Variants in MAN2B2 observed in about 807,000 individuals in gnomAD.
MAN2B2 encodes the protein epididymis-specific alpha-mannosidase.
MAN2B2 carries 106 observed loss-of-function variants against 117.1 expected under a neutral mutation model. The ratio of observed to expected loss-of-function variants is 0.90; its 90% CI spans 0.77 to 1.06. The LOEUF (loss-of-function observed/expected upper bound fraction) is 1.06, where lower values mean the gene tolerates loss of function less well. Among genes scored for constraint, MAN2B2 ranks in the 50% least tolerant of loss-of-function variants. MAN2B2 has a pLI of 0.00. For missense variants in MAN2B2, 1,326 were observed against 1,381.4 expected (o/e 0.96, Z 0.64); for synonymous variants, 544 against 595.1 (o/e 0.91, Z 1.25).
intron 5 of MAN2B2, among the ~76,000 whole-genome samples, chr4:6,590,200 C>T (rs11728168): frequency 0.87 from 132,699 of 151,970 alleles, 58,546 homozygotes; most frequent in Middle Eastern, 0.98. Context: ...GGCAAAACCC[C>T]GTCTCTACTG....
chr4:6,580,029 C>T (rs1034450705), intron 3 of MAN2B2, among the ~76,000 whole-genome samples: 1 of 152,260 alleles, frequency 6.6e-6, no homozygotes, highest in Admixed American at 6.5e-5. Flanking sequence ...TCCACTACAG[C>T]ATGGGCCCTG....
intron 18 of MAN2B2, 98 bp from the exon 19 acceptor site, chr4:6,621,089 TG>T: frequency 1.2e-6 from 1 of 819,928 alleles, no homozygotes; most frequent in Middle Eastern, 2.4e-4. Flanking sequence ...AGAGGGAGGC[TG>T]GGAGCCACAG....
intron 8 of MAN2B2, 21 bp from the exon 9 acceptor site, chr4:6,598,177 C>A (rs1387282299): frequency 1.2e-5 from 20 of 1,607,968 alleles, no homozygotes; most frequent in Non-Finnish European, 1.7e-5. Context: ...TGTTCTTCCT[C>A]CCCTCTGGGG....
chr4:6,617,668 C>T, intron 17 of MAN2B2, 176 bp downstream of exon 17: 1 of 1,318,062 alleles, frequency 7.6e-7, no homozygotes, highest in Non-Finnish European at 1.0e-6. Flanking sequence ...TTACAACTGG[C>T]CTGGTTTTTT....
At chr4:6,602,764 A>G (rs1727381070) in intron 10 of MAN2B2, among the ~76,000 whole-genome samples, 1 of 151,766 alleles carries the variant, frequency 6.6e-6, no homozygotes, top group Non-Finnish European at 1.5e-5. Context: ...CAACATCCCA[A>G]GCTCAAGTTG....
chr4:6,597,149 G>A lies in MAN2B2; in HGVS notation c.1094G>A (p.Arg365His), dbSNP rs372535950. 6.9e-5 allele frequency: 111 copies of A among 1,613,120 alleles called. 1 individual carries two copies. Among genetic ancestry groups the A allele is most frequent in the South Asian group, 6.3e-4 (57 of 91,048 alleles). The change falls in exon 8 of 19, where the codon CGC becomes CAC. Residue 365 changes from arginine (R) to histidine (H), a missense_variant. By Grantham distance (29) the Arg-to-His change is conservative. Coordinates refer to ENST00000285599, the MANE Select transcript of MAN2B2 (RefSeq NM_015274.3). ...GCCTGGACGGGCTTCTACACGTCCCGCAGCTCACTGAAGGGGCTGGCCCGG... is the reference window on the plus strand; with the variant it reads ...GCCTGGACGGGCTTCTACACGTCCCACAGCTCACTGAAGGGGCTGGCCCGG... Reference protein sequence around the residue: ...FQAWTGFYTSRSSLKGLARRA... With the variant: ...FQAWTGFYTSHSSLKGLARRA...
Position 6,621,554 on chromosome 4 carries a change from T to A in MAN2B2, c.*269T>A. 1 of 371,298 alleles carries A rather than the reference T, an allele frequency of 2.7e-6. No individual in the cohort carries two copies. The highest frequency in any genetic ancestry group is 4.3e-5 in the South Asian group (1 of 23,314). The allele number at this position is 371,298 out of a possible 1,614,324, so 23.0% of individuals were successfully genotyped here. A position where few individuals can be genotyped will look rare whatever the true frequency, so the allele number is the denominator to read the frequency against. ...ACGTAAAGGATATTTGGCACACTCATGCGTCATTCATTCACAAAACACAAA... is the reference window on the plus strand; with the variant it reads ...ACGTAAAGGATATTTGGCACACTCAAGCGTCATTCATTCACAAAACACAAA... On this transcript the variant is annotated 3_prime_UTR_variant, in exon 19 of 19. Coordinates refer to ENST00000285599, the MANE Select transcript of MAN2B2 (RefSeq NM_015274.3).
rs1712231082 is a variant in MAN2B2 at position 6,622,779 on chromosome 4, T to G, written c.*1494T>G. The G allele has an allele frequency of 1.3e-5, 2 of 148,634 alleles. No homozygotes were observed. The highest frequency in any genetic ancestry group is 2.6e-5 in the African/African-American group (1 of 38,094). The allele number at this position is 148,634 out of a possible 1,614,324, so 9.2% of individuals were successfully genotyped here. A position where few individuals can be genotyped will look rare whatever the true frequency, so the allele number is the denominator to read the frequency against. On this transcript the variant is annotated 3_prime_UTR_variant, in exon 19 of 19. Transcript: ENST00000285599. ...AAACTGTAAGATGTAGGAAATTATT[T>G]GGTACTCTAGGGCTGAAGGAAAGTA...
At chr4:6,588,390 C>G (rs576134162) in intron 4 of MAN2B2, among the ~76,000 whole-genome samples, 1 of 152,268 alleles carries the variant, frequency 6.6e-6, no homozygotes, top group Non-Finnish European at 1.5e-5. Context: ...TTAGGGCCCA[C>G]CCTAATGACC....
intron 11 of MAN2B2, among the ~76,000 whole-genome samples, chr4:6,608,891 G>A (rs759013730): frequency 5.9e-5 from 9 of 152,142 alleles, no homozygotes; most frequent in African/African-American, 1.7e-4. Context: ...GGCTCTGTCC[G>A]TCTCCTCGTT....
At chr4:6,585,092 T>G (rs1726581255) in intron 3 of MAN2B2, among the ~76,000 whole-genome samples, 1 of 152,038 alleles carries the variant, frequency 6.6e-6, no homozygotes, top group South Asian at 2.1e-4. Context: ...TGCTTACATA[T>G]GCACAGCCTC....
intron 11 of MAN2B2, among the ~76,000 whole-genome samples, chr4:6,606,132 G>C (rs1727536979): frequency 1.3e-5 from 2 of 152,202 alleles, no homozygotes; most frequent in South Asian, 4.1e-4. Context: ...GAAAGTGAGG[G>C]GACAGGAAAG....
At chr4:6,601,713 G>C (rs1337425726) in intron 10 of MAN2B2, among the ~76,000 whole-genome samples, 1 of 152,176 alleles carries the variant, frequency 6.6e-6, no homozygotes, top group African/African-American at 2.4e-5. Context: ...ATGAACTTTA[G>C]AAGACACTCC....
Position 6,620,115 on chromosome 4 carries a change from G to A in MAN2B2, c.2932+71G>A, listed in dbSNP as rs201290510. On this transcript the variant is annotated intron_variant, in intron 18 of 18. Transcript: ENST00000285599. ...GGCTCAGCAGCTGGTCAGACCCGGT[G>A]CACATCCAACCATCTGCCTGTCCCG... The A allele has an allele frequency of 2.8e-4, 369 of 1,323,034 alleles. 4 individuals carry two copies. In the East Asian group the frequency reaches 9.0e-3, roughly 32 times the overall value. The allele number at this position is 1,323,034 out of a possible 1,614,324, so 82.0% of individuals were successfully genotyped here. A position where few individuals can be genotyped will look rare whatever the true frequency, so the allele number is the denominator to read the frequency against.
At chr4:6,576,496 G>C in intron 1 of MAN2B2, 82 bp from the exon 2 acceptor site, 1 of 1,542,596 alleles carries the variant, frequency 6.5e-7, no homozygotes, top group Admixed American at 1.7e-5. Context: ...ACCCCATGCA[G>C]ACACACCTGG....
chr4:6,576,433 G>C, intron 1 of MAN2B2, 145 bp from the exon 2 acceptor site: 2 of 908,478 alleles, frequency 2.2e-6, no homozygotes, highest in African/African-American at 1.7e-5. Flanking sequence ...TGGAGCGAGT[G>C]CCTAATAGCT....
intron 8 of MAN2B2, among the ~76,000 whole-genome samples, 193 bp downstream of exon 8, chr4:6,597,496 C>G (rs546465835): frequency 3.3e-5 from 5 of 152,358 alleles, no homozygotes; most frequent in Admixed American, 1.3e-4. Flanking sequence ...ACAGCCTGAT[C>G]CATCCAGCTG....
chr4:6,614,073 T>C (rs544865640), intron 15 of MAN2B2, 145 bp from the exon 16 acceptor site: 9 of 972,150 alleles, frequency 9.3e-6, no homozygotes, highest in African/African-American at 4.9e-5. Context: ...CACAAACACT[T>C]TGGGCTGGTG....
At chr4:6,582,489 C>T (rs1241331735) in intron 3 of MAN2B2, among the ~76,000 whole-genome samples, 1 of 152,018 alleles carries the variant, frequency 6.6e-6, no homozygotes, top group Non-Finnish European at 1.5e-5. Flanking sequence ...CAGGCGTGCA[C>T]CACCATGCCC....
Sources: gnomAD v4.1 joint callset for allele counts (sites outside exome capture counted in the v4.1 genomes callset) on GRCh38, gnomAD v4.1.1 for gene constraint, MANE v1.5 for transcripts, NCBI Gene and HGNC (gene_info 2026-07-23, HGNC 2026-07-21) for gene names.